DPP6: variants seen among roughly 807,000 people sequenced by gnomAD.
The protein encoded by DPP6 is dipeptidyl peptidase like 6, also known as A-type potassium channel modulatory protein DPP6.
In DPP6, 69 loss-of-function variants were observed where a neutral mutation model predicts 122.6. That is an observed-to-expected ratio of 0.56 (90% CI 0.46 to 0.69). The LOEUF (loss-of-function observed/expected upper bound fraction) is 0.69. Ranked by LOEUF, DPP6 falls within the 30% of genes least tolerant of loss-of-function variation. DPP6 has a pLI of 0.00. For synonymous variants in DPP6, 418 were observed against 433.1 expected (o/e 0.97, Z 0.43); for missense variants, 928 against 1,116.9 (o/e 0.83, Z 2.41).
At chr7:154,741,022 C>T (rs1385798964) in intron 8 of DPP6, among the ~76,000 whole-genome samples, 1 of 152,194 alleles carries the variant, frequency 6.6e-6, no homozygotes, top group Non-Finnish European at 1.5e-5. Context: ...TAGCTCACCT[C>T]CACGTCAGAG....
chr7:154,611,855 ATGTG>A (rs545017220), intron 5 of DPP6, among the ~76,000 whole-genome samples: 8 of 72,410 alleles, frequency 1.1e-4, no homozygotes, highest in East Asian at 1.1e-3. Context: ...GCTTTCATAT[ATGTG>A]TGTGTGTGTG....
chr7:154,289,006 A>G (rs1006958163), intron 1 of DPP6, among the ~76,000 whole-genome samples: 4 of 152,214 alleles, frequency 2.6e-5, no homozygotes, highest in African/African-American at 7.2e-5. Context: ...AGAGAATACA[A>G]TGTGCCCAGA....
At chr7:153,959,705 C>T (rs1242186608) in intron 1 of DPP6, among the ~76,000 whole-genome samples, 1 of 152,260 alleles carries the variant, frequency 6.6e-6, no homozygotes, top group African/African-American at 2.4e-5. Context: ...AATGTGGTGG[C>T]TGGTTTCACC....
chr7:153,886,845 C>T (rs1201986302), upstream of DPP6, among the ~76,000 whole-genome samples: 1 of 152,178 alleles, frequency 6.6e-6, no homozygotes, highest in Admixed American at 6.5e-5. Flanking sequence ...TGGCTCTTCC[C>T]GGCCTCTCCC....
chr7:154,013,720 T>C (rs983976797), intron 1 of DPP6, among the ~76,000 whole-genome samples: 10 of 152,120 alleles, frequency 6.6e-5, no homozygotes, highest in Non-Finnish European at 1.3e-4. Flanking sequence ...CTATGTTCTC[T>C]TCTCAGCTTC....
At chr7:154,803,352 G>A (rs765352331) in intron 13 of DPP6, among the ~76,000 whole-genome samples, 9 of 152,192 alleles carry the variant, frequency 5.9e-5, no homozygotes, top group Non-Finnish European at 7.3e-5. Context: ...AAGACAATGC[G>A]TGCAAAACTT....
chr7:154,516,147 C>G (rs1826480774), intron 3 of DPP6, among the ~76,000 whole-genome samples: 3 of 152,146 alleles, frequency 2.0e-5, no homozygotes, highest in Admixed American at 2.0e-4. Context: ...TCTTGCGGCA[C>G]CAGCTCTGTT....
intron 1 of DPP6, among the ~76,000 whole-genome samples, chr7:154,269,959 G>C (rs1161254346): frequency 1.3e-5 from 2 of 152,144 alleles, no homozygotes; most frequent in Non-Finnish European, 2.9e-5. Flanking sequence ...TAAATAATGG[G>C]AAATAATGCA....
chr7:154,438,123 T>A (rs1244277781), intron 1 of DPP6, among the ~76,000 whole-genome samples: 2 of 152,138 alleles, frequency 1.3e-5, no homozygotes, highest in East Asian at 3.9e-4. Context: ...GGCTTTTGTT[T>A]TTGAGTTTCA....
intron 7 of DPP6, among the ~76,000 whole-genome samples, chr7:154,697,265 T>G (rs1367800000): frequency 1.3e-5 from 2 of 152,120 alleles, no homozygotes; most frequent in African/African-American, 4.8e-5. Context: ...AGCCTCCCTT[T>G]AAGGAGGCTT....
At chr7:154,477,076 C>CA (rs143942132) in intron 3 of DPP6, among the ~76,000 whole-genome samples, 46 of 146,054 alleles carry the variant, frequency 3.1e-4, no homozygotes, top group South Asian at 1.3e-3. Flanking sequence ...GAGACCCTGT[C>CA]AAAAAAAAAA....
chr7:153,835,624 T>C, the DPP6 span, among the ~76,000 whole-genome samples: 1 of 152,174 alleles, frequency 6.6e-6, no homozygotes, highest in Non-Finnish European at 1.5e-5. Context: ...CTCCTACTCA[T>C]TTTGCAAAAT....
At chr7:154,883,499 G>A (rs1289165341) in intron 21 of DPP6, 2 of 98,616 alleles carry the variant, frequency 2.0e-5, no homozygotes, top group East Asian at 6.9e-4. Context: ...CACATGCTCA[G>A]ACACATGCTC....
At chr7:154,080,114 A>T (rs1803882430) in intron 1 of DPP6, among the ~76,000 whole-genome samples, 1 of 151,852 alleles carries the variant, frequency 6.6e-6, no homozygotes, top group South Asian at 2.1e-4. Context: ...GAAAAAGGTC[A>T]CTTTTCATAA....
At position 154,794,118 on chromosome 7, in the gene DPP6, C is replaced by A. The variant is rs1267613968; in HGVS notation, c.1176C>A (p.Thr392=). 1 of 1,613,710 alleles carries A rather than the reference C, an allele frequency of 6.2e-7. No individual in the cohort carries two copies. Among genetic ancestry groups the A allele is most frequent in the Non-Finnish European group, 8.5e-7 (1 of 1,179,742 alleles). ...YITMVKWATS[T]KVAVTWLNRA... The stretch of plus-strand genomic sequence containing the variant: ...CCATGGTGAAGTGGGCCACCAGCAC[C>A]AAGGTCGCCGTGACCTGGCTGAACC... Residue 392 remains threonine, a synonymous_variant, in exon 11 of 26, where the codon ACC becomes ACA. Coordinates refer to ENST00000377770, the MANE Select transcript of DPP6 (RefSeq NM_130797.4).
intron 3 of DPP6, among the ~76,000 whole-genome samples, chr7:154,501,903 GA>G (rs1463099042): frequency 6.6e-6 from 1 of 151,634 alleles, no homozygotes; most frequent in Non-Finnish European, 1.5e-5. Context: ...GCCAGTCCAT[GA>G]AAGCAGCCTG....
chr7:153,911,438 ATCTTG>A (rs1156663530), intron 1 of DPP6, among the ~76,000 whole-genome samples: 2 of 152,220 alleles, frequency 1.3e-5, no homozygotes, highest in East Asian at 3.9e-4. Context: ...ACTCTCAGGG[ATCTTG>A]TCTTGTCTTG....
chr7:154,060,261 C>T (rs1290503684), intron 1 of DPP6, among the ~76,000 whole-genome samples: 6 of 134,414 alleles, frequency 4.5e-5, no homozygotes, highest in Middle Eastern at 4.0e-3. Context: ...GCGGAGGCAC[C>T]CCCCGCGAGG....
chr7:154,329,005 A>G (rs907503321), intron 1 of DPP6, among the ~76,000 whole-genome samples: 1 of 152,200 alleles, frequency 6.6e-6, no homozygotes, highest in African/African-American at 2.4e-5. Context: ...AGGGTTTTCC[A>G]TCTTTCTAAC....
Sources: gnomAD v4.1 joint callset for allele counts (sites outside exome capture counted in the v4.1 genomes callset) on GRCh38, gnomAD v4.1.1 for gene constraint, MANE v1.5 for transcripts, NCBI Gene and HGNC (gene_info 2026-07-23, HGNC 2026-07-21) for gene names.